CRTC1: variants seen among roughly 807,000 people sequenced by gnomAD.
The protein encoded by CRTC1 is CREB-regulated transcription coactivator 1.
In CRTC1, 18 loss-of-function variants were observed where a neutral mutation model predicts 66.1. The ratio of observed to expected loss-of-function variants is 0.27; its 90% CI spans 0.19 to 0.40. The LOEUF is 0.40. CRTC1 is among the 10% of genes least tolerant of loss of function. The pLI is 1.00. For synonymous variants in CRTC1, 416 were observed against 398.8 expected, an observed-to-expected ratio of 1.04 and a Z score of -0.51; for missense variants, 669 against 887.9, an observed-to-expected ratio of 0.75 and a Z score of 3.13.
Position 18,777,157 on chromosome 19 carries a change from A to T in CRTC1, c.1694-14A>T. The T allele has an allele frequency of 1.3e-6, 1 of 748,560 alleles. No homozygotes were observed. The highest frequency in any genetic ancestry group is 2.2e-6 in the Non-Finnish European group (1 of 464,878). The allele number at this position is 748,560 out of a possible 1,614,324, so 46.4% of individuals were successfully genotyped here. A position where few individuals can be genotyped will look rare whatever the true frequency, so the allele number is the denominator to read the frequency against. ...GGGCTAAGCAGTGCCTTTTGTCCCC[A>T]CCCCATCCCCCAGTGACAGGAGAGT... On this transcript the variant is annotated splice_polypyrimidine_tract_variant and intron_variant, in intron 13 of 13. Coordinates refer to ENST00000321949, the MANE Select transcript of CRTC1 (RefSeq NM_015321.3). This position sits in a 1 kb window ranked among gnomAD's most constrained non-coding sequence, Gnocchi z 5.5.
rs2054118113 is a variant in CRTC1 at position 18,741,873 on chromosome 19, C to T, written c.127-1037C>T. On this transcript the variant is annotated intron_variant, in intron 1 of 13. Transcript: ENST00000321949. This position sits in a 1 kb window ranked among gnomAD's most constrained non-coding sequence, Gnocchi z 4.2. The stretch of plus-strand genomic sequence containing the variant: ...TTACTTCCGCCTCCGGTGTCCAGGG[C>T]CCCCTAGGAAGCTGGGGCGGTGGGG... 6.6e-6 allele frequency among the ~76,000 whole-genome samples: 1 copy of T among 152,116 alleles called. No individual in the cohort carries two copies. The highest frequency in any genetic ancestry group is 2.1e-4 in the South Asian group (1 of 4,836).
Position 18,769,077 on chromosome 19 carries a change from C to G in CRTC1, c.1320+284C>G, listed in dbSNP as rs145696696. 3.1e-3 allele frequency among the ~76,000 whole-genome samples: 472 copies of G among 152,362 alleles called. 2 individuals are homozygous for G. Among genetic ancestry groups the G allele is most frequent in the African/African-American group, 9.1e-3 (378 of 41,592 alleles). On this transcript the variant is annotated intron_variant, in intron 10 of 13. Coordinates refer to ENST00000321949, the MANE Select transcript of CRTC1 (RefSeq NM_015321.3). ...TGCCGAGCACCCCTTCTTGGCCTCT[C>G]TGGCCCCTCCCACCTGAAGCCAGGC...
intron 12 of CRTC1, among the ~76,000 whole-genome samples, chr19:18,775,421 C>CTCATCCAT (rs1158201195): frequency 2.0e-5 from 3 of 152,210 alleles, no homozygotes; most frequent in South Asian, 4.1e-4. Context: ...CACTCATTTG[C>CTCATCCAT]TCATCCATTC....
chr19:18,774,091 CT>C (rs1441411203), intron 11 of CRTC1, among the ~76,000 whole-genome samples: 3 of 152,174 alleles, frequency 2.0e-5, no homozygotes, highest in African/African-American at 7.2e-5. Context: ...TCCCAGCCCC[CT>C]GGATGCTGCC....
At chr19:18,691,828 C>T (rs577309863) in intron 1 of CRTC1, among the ~76,000 whole-genome samples, 58 of 152,222 alleles carry the variant, frequency 3.8e-4, no homozygotes, top group Admixed American at 1.1e-3. Flanking sequence ...ATCCTCCTGC[C>T]TCAGCCTCCC....
intron 1 of CRTC1, among the ~76,000 whole-genome samples, chr19:18,721,321 G>T (rs998516370): frequency 2.0e-5 from 3 of 151,714 alleles, no homozygotes; most frequent in African/African-American, 7.3e-5. Context: ...AGCCTCCCGA[G>T]TAGCTGGGAC....
intron 1 of CRTC1, among the ~76,000 whole-genome samples, chr19:18,707,962 C>T (rs1254122817): frequency 6.6e-6 from 1 of 152,256 alleles, no homozygotes; most frequent in African/African-American, 2.4e-5. Flanking sequence ...CTAACTCTGT[C>T]AATGCATGAA....
In CRTC1 at chr19:18,778,539, G is replaced by A. The variant is rs2055043552; in HGVS notation, c.*1157G>A. ...CAAAAGGGCTGGTCAGGCTGGGCAG[G>A]GCCTTGTCAGGAGCTCACGGTAGGC... On this transcript the variant is annotated 3_prime_UTR_variant, in exon 14 of 14. Transcript: ENST00000321949. 4.3e-6 allele frequency: 1 copy of A among 231,580 alleles called. No individual in the cohort carries two copies. Among genetic ancestry groups the A allele is most frequent in the Non-Finnish European group, 8.5e-6 (1 of 117,108 alleles). 14.3% of individuals were successfully genotyped at this position (231,580 alleles called of 1,614,324 possible). A position where few individuals can be genotyped will look rare whatever the true frequency, so the allele number is the denominator to read the frequency against.
intron 1 of CRTC1, among the ~76,000 whole-genome samples, chr19:18,706,194 T>C (rs2053261515): frequency 1.6e-5 from 1 of 63,908 alleles, no homozygotes; most frequent in Non-Finnish European, 3.2e-5. Flanking sequence ...TTTTTTTTTT[T>C]TTTTTTTTTT....
At chr19:18,731,783 C>T (rs73537978) in intron 1 of CRTC1, among the ~76,000 whole-genome samples, 2,108 of 152,298 alleles carry the variant, frequency 0.014, 65 homozygotes, top group African/African-American at 0.049. Flanking sequence ...GCTTCCTGCT[C>T]GTCACACCTC....
intron 5 of CRTC1, 127 bp from the exon 6 acceptor site, chr19:18,753,373 G>T: frequency 6.1e-6 from 4 of 654,316 alleles, no homozygotes; most frequent in South Asian, 4.2e-5. Context: ...AGAAGTTCCC[G>T]TTAGGACAGT....
rs1204128837 is a variant in CRTC1 at position 18,779,293 on chromosome 19, G to A, written c.*1911G>A. On this transcript the variant is annotated 3_prime_UTR_variant, in exon 14 of 14. Coordinates refer to ENST00000321949, the MANE Select transcript of CRTC1 (RefSeq NM_015321.3). ...CCTCTCTTTGCCCGGCAATGCCTTT[G>A]GCATGTGTCTGAGCAGCCAAGTGGC... 4.4e-6 allele frequency: 1 copy of A among 227,268 alleles called. No individual in the cohort carries two copies. Among genetic ancestry groups the A allele is most frequent in the Non-Finnish European group, 8.7e-6 (1 of 114,466 alleles). The allele number at this position is 227,268 out of a possible 1,614,324, so 14.1% of individuals were successfully genotyped here. A position where few individuals can be genotyped will look rare whatever the true frequency, so the allele number is the denominator to read the frequency against.
intron 1 of CRTC1, among the ~76,000 whole-genome samples, chr19:18,736,877 C>A (rs1040766957): frequency 6.6e-6 from 1 of 152,200 alleles, no homozygotes; most frequent in Admixed American, 6.5e-5. Flanking sequence ...GCAGTTGCTT[C>A]TGGGCCTGAC....
chr19:18,772,249 G>C (rs2054886314), intron 11 of CRTC1, among the ~76,000 whole-genome samples: 1 of 152,158 alleles, frequency 6.6e-6, no homozygotes, highest in South Asian at 2.1e-4. Context: ...GGCCAGCCTG[G>C]CTCCCCACTC....
At chr19:18,734,308 T>C (rs947207182) in intron 1 of CRTC1, among the ~76,000 whole-genome samples, 2 of 152,026 alleles carry the variant, frequency 1.3e-5, no homozygotes, top group Non-Finnish European at 2.9e-5. Context: ...AACAAGATCA[T>C]GGTAAATTTT....
intron 6 of CRTC1, among the ~76,000 whole-genome samples, chr19:18,756,334 C>CAA (rs56092227): frequency 0.17 from 12,256 of 72,898 alleles, 1,804 homozygotes; most frequent in African/African-American, 0.22. Flanking sequence ...AACTCCATCT[C>CAA]AAAAAAAAAA....
At chr19:18,763,931 G>A (rs1231676298) in intron 8 of CRTC1, among the ~76,000 whole-genome samples, 1 of 152,194 alleles carries the variant, frequency 6.6e-6, no homozygotes, top group Non-Finnish European at 1.5e-5. Context: ...TGTGCTCTGA[G>A]CAGGCTTCCC....
At chr19:18,765,250 G>C (rs926049688) in intron 8 of CRTC1, among the ~76,000 whole-genome samples, 154 bp from the exon 9 acceptor site, 1 of 152,218 alleles carries the variant, frequency 6.6e-6, no homozygotes, top group Non-Finnish European at 1.5e-5. Flanking sequence ...CAGGGCCTTC[G>C]GGGGGTGCCC....
At chr19:18,742,218 G>A in intron 1 of CRTC1, among the ~76,000 whole-genome samples, 1 of 152,168 alleles carries the variant, frequency 6.6e-6, no homozygotes, top group Admixed American at 6.5e-5. Context: ...GACCCATCAG[G>A]GAGCTCCTGG....
Sources: gnomAD v4.1 joint callset for allele counts (sites outside exome capture counted in the v4.1 genomes callset) on GRCh38, gnomAD v4.1.1 for gene constraint, Gnocchi (gnomAD v3.1) non-coding constraint, MANE v1.5 for transcripts, NCBI Gene and HGNC (gene_info 2026-07-23, HGNC 2026-07-21) for gene names.